GDF1: variants seen among roughly 807,000 people sequenced by gnomAD.
GDF1 encodes embryonic growth/differentiation factor 1.
GDF1 carries 8 observed loss-of-function variants against 7.4 expected under a neutral mutation model. That is an observed-to-expected ratio of 1.09 (90% CI 0.64 to 1.96). GDF1 has a LOEUF of 1.96. Among genes scored for constraint, GDF1 ranks in the 30% most tolerant of loss-of-function variants. GDF1 has a pLI of 0.00. For missense variants in GDF1, 574 were observed against 551.5 expected (o/e 1.04, Z -0.41); for synonymous variants, 311 against 276.7 (o/e 1.12, Z -1.23).
chr19:18,884,863 G>C (rs1051148057), intron 2 of GDF1, among the ~76,000 whole-genome samples: 1 of 151,188 alleles, frequency 6.6e-6, no homozygotes, highest in East Asian at 2.0e-4. Context: ...ACAGGCGCTG[G>C]ACACCATGCC....
At chr19:18,886,287 C>A (rs370192977) in intron 2 of GDF1, among the ~76,000 whole-genome samples, 2 of 152,122 alleles carry the variant, frequency 1.3e-5, no homozygotes, top group South Asian at 4.2e-4. Flanking sequence ...CAGTGGCTCA[C>A]GCCTGTAATC....
rs1376108272 is a variant in GDF1 at position 18,879,000 on chromosome 19, C to A, written c.-383G>T. Reference sequence around the variant, plus strand: ...TCCCGCAGGTCCTTCAGCTCGTGCACCTGGCCTGTCAACACCTTGGCTGCA... The same window carrying A: ...TCCCGCAGGTCCTTCAGCTCGTGCAACTGGCCTGTCAACACCTTGGCTGCA... On this transcript the variant is annotated 5_prime_UTR_variant, in exon 6 of 8. Coordinates refer to ENST00000247005, the MANE Select transcript of GDF1 (RefSeq NM_001492.6). This position sits in a 1 kb window ranked among gnomAD's most constrained non-coding sequence, Gnocchi z 4.6. 1.3e-5 allele frequency: 21 copies of A among 1,613,684 alleles called. No individual in the cohort carries two copies. Among genetic ancestry groups the A allele is most frequent in the Non-Finnish European group, 1.7e-5 (20 of 1,179,862 alleles).
rs1306555468 is a variant in GDF1, at chr19:18,868,778, G to A, written c.938C>T (p.Pro313Leu). The A allele has an allele frequency of 4.8e-6, 7 of 1,468,602 alleles. No individual in the cohort carries two copies. The East Asian group carries it at 1.2e-4, about 26-fold the overall frequency. The allele number at this position is 1,468,602 out of a possible 1,614,324, so 91.0% of individuals were successfully genotyped here. A position where few individuals can be genotyped will look rare whatever the true frequency, so the allele number is the denominator to read the frequency against. ...PVALSGSGGP[P>L]ALNHAVLRAL... ...GCGCAGCACAGCGTGGTTGAGCGCC[G>A]GCGGCCCCCCGGACCCCGACAGCGC... The change falls in exon 8 of 8, where the codon CCG becomes CTG. Residue 313 changes from proline to leucine, a missense_variant. By Grantham distance (98) the Pro-to-Leu change is moderately conservative. Coordinates refer to ENST00000247005, the MANE Select transcript of GDF1 (RefSeq NM_001492.6).
At chr19:18,879,156 C>T in intron 5 of GDF1, 85 bp downstream of exon 5, 1 of 1,596,714 alleles carries the variant, frequency 6.3e-7, no homozygotes, top group Non-Finnish European at 8.5e-7. Context: ...CCTAACGTGC[C>T]CCTCCCCGGG....
At position 18,878,440 on chromosome 19, in the gene GDF1, G is replaced by A. The variant is rs561149924; in HGVS notation, c.-313+490C>T. On this transcript the variant is annotated intron_variant, in intron 6 of 7. Transcript: ENST00000247005. The surrounding 1 kb of genome is among the most constrained non-coding windows in gnomAD (Gnocchi z 4.6). ...TCCCAGCCCCAGCTCCTGTTTGGCC[G>A]GGCAGTGGGCTCCCCTGTCAAACTC... 2.4e-5 allele frequency: 24 copies of A among 989,444 alleles called. No homozygotes were observed. Among genetic ancestry groups the A allele is most frequent in the African/African-American group, 1.4e-4 (8 of 57,358 alleles). The allele number at this position is 989,444 out of a possible 1,614,324, so 61.3% of individuals were successfully genotyped here.
In GDF1 at chr19:18,896,078, C is replaced by T. The variant is rs2056621325; in HGVS notation, c.-1328G>A. ...GCGGGCCCCGCCGCCGCCATACCGCCCGCTCGCCCGCCGTGCCCGTCGCCT... is the reference window on the plus strand; with the variant it reads ...GCGGGCCCCGCCGCCGCCATACCGCTCGCTCGCCCGCCGTGCCCGTCGCCT... On this transcript the variant is annotated 5_prime_UTR_variant, in exon 1 of 8. Coordinates refer to ENST00000247005, the MANE Select transcript of GDF1 (RefSeq NM_001492.6). The surrounding 1 kb of genome is among the most constrained non-coding windows in gnomAD (Gnocchi z 5.9). 1 of 959,942 alleles carries T rather than the reference C, an allele frequency of 1.0e-6. No individual in the cohort carries two copies. Among genetic ancestry groups the T allele is most frequent in the Non-Finnish European group, 1.2e-6 (1 of 808,954 alleles). The allele number at this position is 959,942 out of a possible 1,614,324, so 59.5% of individuals were successfully genotyped here. A position where few individuals can be genotyped will look rare whatever the true frequency, so the allele number is the denominator to read the frequency against.
At chr19:18,877,704 G>A (rs1367954652) in intron 6 of GDF1, among the ~76,000 whole-genome samples, 3 of 147,368 alleles carry the variant, frequency 2.0e-5, no homozygotes, top group East Asian at 2.0e-4. Context: ...GCAGCGAGCC[G>A]AGATCGTGCC....
Position 18,869,113 on chromosome 19 carries a change from G to A in GDF1, c.603C>T (p.Ala201=), listed in dbSNP as rs1402117332. Residue 201 remains alanine (A), a synonymous_variant, in exon 8 of 8, where the codon GCC becomes GCT. Coordinates refer to ENST00000247005, the MANE Select transcript of GDF1 (RefSeq NM_001492.6). ...GPPVRAELLG[A]AWARNASWPR... is the part of the protein sequence containing the mutation. ...GCCATGAGGCGTTGCGAGCCCAAGC[G>A]GCGCCCAGCAGCTCCGCGCGCACTG... 9.2e-6 allele frequency: 10 copies of A among 1,084,948 alleles called. No individual in the cohort carries two copies. The highest frequency in any genetic ancestry group is 5.1e-5 in the African/African-American group (3 of 58,598). The allele number at this position is 1,084,948 out of a possible 1,614,324, so 67.2% of individuals were successfully genotyped here.
chr19:18,887,939 C>T (rs982076946), intron 2 of GDF1, among the ~76,000 whole-genome samples: 2 of 152,166 alleles, frequency 1.3e-5, no homozygotes, highest in African/African-American at 4.8e-5. Context: ...CCTGGCACCC[C>T]CCATCCCACT....
rs1176439271 is a variant in GDF1, at chr19:18,869,296, C to T, written c.420G>A (p.Glu140=). 41 of 1,513,980 alleles carry T rather than the reference C, an allele frequency of 2.7e-5. No individual in the cohort carries two copies. 93.8% of individuals were successfully genotyped at this position (1,513,980 alleles called of 1,614,324 possible). The change falls in exon 8 of 8, where the codon GAG becomes GAA. Residue 140 remains glutamate (E), a synonymous_variant. Transcript: ENST00000247005. ...GCTCCAGGCGGGCCCGGCTCGGGCG[C>T]TCAGCGGGTTCCACAGCCGACAGGT... ...VFDLSAVEPA[E]RPSRARLELR...
At chr19:18,894,466 G>A (rs1196510120) in intron 1 of GDF1, among the ~76,000 whole-genome samples, 1 of 152,150 alleles carries the variant, frequency 6.6e-6, no homozygotes, top group Non-Finnish European at 1.5e-5. Flanking sequence ...ACCCATTTCT[G>A]AGGAAGGGCG....
chr19:18,880,445 C>A lies in GDF1; in HGVS notation c.-732-10G>T, dbSNP rs781249751. ...GCCCACATTGTGGTACCTGGGGGAGCAGCAGGCAGAGAGGAGAGGGCAGCT... is the reference window on the plus strand; with the variant it reads ...GCCCACATTGTGGTACCTGGGGGAGAAGCAGGCAGAGAGGAGAGGGCAGCT... On this transcript the variant is annotated splice_polypyrimidine_tract_variant and intron_variant, in intron 3 of 7. Transcript: ENST00000247005. The A allele has an allele frequency of 2.5e-6, 4 of 1,574,980 alleles. No homozygotes were observed. The African/African-American group carries it at 5.4e-5, about 21-fold the overall frequency.
chr19:18,876,433 C>T (rs1477405968), intron 6 of GDF1, among the ~76,000 whole-genome samples: 3 of 152,002 alleles, frequency 2.0e-5, no homozygotes, highest in Non-Finnish European at 2.9e-5. Flanking sequence ...ACTGCAGCTC[C>T]CTGGCTTAAG....
chr19:18,872,943 C>A (rs1018498802), intron 6 of GDF1, among the ~76,000 whole-genome samples: 3 of 152,230 alleles, frequency 2.0e-5, no homozygotes, highest in Non-Finnish European at 4.4e-5. Flanking sequence ...AGCCACCATG[C>A]CGGGCCGAGA....
intron 3 of GDF1, among the ~76,000 whole-genome samples, chr19:18,882,523 T>C (rs1341730362): frequency 6.6e-6 from 1 of 151,268 alleles, no homozygotes; most frequent in Admixed American, 6.6e-5. Context: ...TCCCAGCTAC[T>C]TGGGAGGCTG....
At position 18,868,880 on chromosome 19, in the gene GDF1, A is replaced by C; in HGVS notation, c.836T>G (p.Val279Gly). ...CGCGATGACCCAGCGGTGCCAGCCCACCTCGCGGAAGCTCACGTACAGCCG... is the reference window on the plus strand; with the variant it reads ...CGCGATGACCCAGCGGTGCCAGCCCCCCTCGCGGAAGCTCACGTACAGCCG... The part of the protein sequence containing the change: ...ARRLYVSFRE[V>G]GWHRWVIAPR... The change falls in exon 8 of 8, where the codon GTG becomes GGG. Residue 279 changes from valine (V) to glycine (G), a missense_variant. Transcript: ENST00000247005. The C allele has an allele frequency of 4.2e-6, 6 of 1,432,730 alleles. No individual in the cohort carries two copies. The highest frequency in any genetic ancestry group is 5.5e-6 in the Non-Finnish European group (6 of 1,085,692). The allele number at this position is 1,432,730 out of a possible 1,614,324, so 88.8% of individuals were successfully genotyped here.
chr19:18,880,482 A>T, intron 3 of GDF1, 47 bp from the exon 4 acceptor site: 1 of 1,513,696 alleles, frequency 6.6e-7, no homozygotes, highest in Non-Finnish European at 8.9e-7. Context: ...ACATTGGGGG[A>T]CCTCCACTCT....
chr19:18,880,337 C>G lies in GDF1; in HGVS notation c.-634G>C, dbSNP rs755440386. ...CAAGGCATGCAGCCGATGGTAGGAG[C>G]CGCCGCGGGACTTGAAGTAAATGTT... On this transcript the variant is annotated 5_prime_UTR_variant, in exon 4 of 8. Coordinates refer to ENST00000247005, the MANE Select transcript of GDF1 (RefSeq NM_001492.6). 9 of 1,556,018 alleles carry G rather than the reference C, an allele frequency of 5.8e-6. No individual in the cohort carries two copies. The highest frequency in any genetic ancestry group is 7.8e-6 in the Non-Finnish European group (9 of 1,150,006).
chr19:18,890,310 T>C lies in GDF1; in HGVS notation c.-914+3106A>G, dbSNP rs549492825. Among the ~76,000 whole-genome samples the C allele has an allele frequency of 8.7e-4, 132 of 152,334 alleles. No individual in the cohort carries two copies. The South Asian group carries it at 0.026, about 30-fold the overall frequency. On this transcript the variant is annotated intron_variant, in intron 2 of 7. Transcript: ENST00000247005. ...ACACAAGTTTTCTCATCCACACTTATTGCTGTTGATAGACTGCGTACTGCA... is the reference window on the plus strand; with the variant it reads ...ACACAAGTTTTCTCATCCACACTTACTGCTGTTGATAGACTGCGTACTGCA...
Sources: allele counts gnomAD v4.1 joint callset (sites outside exome capture counted in the v4.1 genomes callset), GRCh38; gene constraint gnomAD v4.1.1; non-coding constraint Gnocchi (gnomAD v3.1); transcripts MANE v1.5; gene names NCBI Gene and HGNC (gene_info 2026-07-23, HGNC 2026-07-21).